PPP1R12B: variants seen among roughly 807,000 people sequenced by gnomAD.
PPP1R12B encodes the protein protein phosphatase 1 regulatory subunit 12B.
Under a neutral mutation model 126.1 loss-of-function variants are expected in PPP1R12B, and 76 were observed. That is an observed-to-expected ratio of 0.60 (90% CI 0.50 to 0.73). The LOEUF (loss-of-function observed/expected upper bound fraction) is 0.73. Ranked by LOEUF, PPP1R12B falls within the 30% of genes least tolerant of loss-of-function variation. The pLI is 0.00. For missense variants in PPP1R12B, 1,052 were observed against 1,205.1 expected (o/e 0.87, Z 1.88); for synonymous variants, 356 against 434.7 (o/e 0.82, Z 2.25).
chr1:202,579,193 A>G lies in PPP1R12B; in HGVS notation c.2863-1281A>G, dbSNP rs553781233. ...TTTGTGTACATACACATATATTTAT[A>G]TAATTTAACCTATATCTTCTCTGAG... is the stretch of plus-strand genomic sequence containing the variant. On this transcript the variant is annotated intron_variant, in intron 23 of 23. Coordinates refer to ENST00000608999, the MANE Select transcript of PPP1R12B (RefSeq NM_002481.4). Among the ~76,000 whole-genome samples the G allele has an allele frequency of 3.9e-5, 6 of 152,350 alleles. No homozygotes were observed. The South Asian group carries it at 1.0e-3, about 26-fold the overall frequency.
In PPP1R12B at chr1:202,449,204, T is replaced by C. The variant is rs1167860925; in HGVS notation, c.1850+33T>C. 4 of 1,566,122 alleles carry C rather than the reference T, an allele frequency of 2.6e-6. No individual in the cohort carries two copies. The East Asian group carries it at 7.0e-5, about 28-fold the overall frequency. On this transcript the variant is annotated intron_variant, in intron 13 of 23. Transcript: ENST00000608999. Reference sequence around the variant, plus strand: ...GAGTTACTGATTTCATTTGTGGGGCTCTGCTTTGAGGTAGACGATAAAGGA... The same window carrying C: ...GAGTTACTGATTTCATTTGTGGGGCCCTGCTTTGAGGTAGACGATAAAGGA...
intron 1 of PPP1R12B, among the ~76,000 whole-genome samples, chr1:202,404,782 TG>T (rs1666360761): frequency 6.6e-6 from 1 of 152,240 alleles, no homozygotes; most frequent in South Asian, 2.1e-4. Context: ...ATTACAGGCG[TG>T]AGCCACCGCA....
At chr1:202,511,771 ATTTTTTTTTT>A (rs772556181) in intron 18 of PPP1R12B, among the ~76,000 whole-genome samples, 5 of 107,866 alleles carry the variant, frequency 4.6e-5, no homozygotes, top group Non-Finnish European at 7.4e-5. Flanking sequence ...ATATACCACA[ATTTTTTTTTT>A]TTTTTTTTTT....
intron 18 of PPP1R12B, among the ~76,000 whole-genome samples, chr1:202,528,942 C>G (rs1683642780): frequency 6.6e-6 from 1 of 152,010 alleles, no homozygotes; most frequent in Non-Finnish European, 1.5e-5. Context: ...TCTTAAATCT[C>G]TCCCGACAGA....
chr1:202,562,647 T>G, intron 19 of PPP1R12B, 131 bp from the exon 20 acceptor site: 1 of 1,016,080 alleles, frequency 9.8e-7, no homozygotes, highest in Non-Finnish European at 1.6e-6. Context: ...AAGGAAAGAA[T>G]GTTATGAGTT....
In PPP1R12B at chr1:202,589,151, A is replaced by AACTT. The variant is rs1172658269; in HGVS notation, c.*8592_*8595dup. The AACTT allele has an allele frequency of 6.6e-6, 1 of 152,242 alleles. No homozygotes were observed. The highest frequency in any genetic ancestry group is 6.5e-5 in the Admixed American group (1 of 15,286). The allele number at this position is 152,242 out of a possible 1,614,324, so 9.4% of individuals were successfully genotyped here. A position where few individuals can be genotyped will look rare whatever the true frequency, so the allele number is the denominator to read the frequency against. On this transcript the variant is annotated 3_prime_UTR_variant, in exon 24 of 24. Coordinates refer to ENST00000608999, the MANE Select transcript of PPP1R12B (RefSeq NM_002481.4). ...GTAGTTCCAAACTACAAATGTAGTTAACTTGGGGGCTATTGAAGGTTAAAT... is the reference window on the plus strand; with the variant it reads ...GTAGTTCCAAACTACAAATGTAGTTAACTTACTTGGGGGCTATTGAAGGTTAAAT...
intron 15 of PPP1R12B, 106 bp downstream of exon 15, chr1:202,493,423 A>G (rs1679154311): frequency 1.2e-5 from 15 of 1,214,538 alleles, no homozygotes; most frequent in Non-Finnish European, 1.7e-5. Flanking sequence ...CTTGCAATGG[A>G]CAACTCACTC....
At chr1:202,361,755 T>TA (rs942243542) in intron 1 of PPP1R12B, among the ~76,000 whole-genome samples, 299 of 148,734 alleles carry the variant, frequency 2.0e-3, no homozygotes, top group African/African-American at 6.7e-3. Context: ...CAAAGAAAAC[T>TA]AAAAAAAAAA....
intron 13 of PPP1R12B, among the ~76,000 whole-genome samples, chr1:202,484,334 A>G (rs1677795675): frequency 6.6e-6 from 1 of 152,168 alleles, no homozygotes; most frequent in Non-Finnish European, 1.5e-5. Context: ...AAGTCTTATA[A>G]TAGAATGTTT....
intron 12 of PPP1R12B, among the ~76,000 whole-genome samples, chr1:202,447,439 A>G (rs1174433719): frequency 3.3e-5 from 5 of 152,184 alleles, no homozygotes; most frequent in Admixed American, 2.0e-4. Flanking sequence ...TGCAGACATT[A>G]TTTTATTTAA....
At chr1:202,454,378 G>A (rs1267334765) in intron 13 of PPP1R12B, among the ~76,000 whole-genome samples, 1 of 152,196 alleles carries the variant, frequency 6.6e-6, no homozygotes, top group Non-Finnish European at 1.5e-5. Flanking sequence ...GATGTTAGAT[G>A]TAGACTGGTT....
chr1:202,363,312 A>G (rs1489903870), intron 1 of PPP1R12B, among the ~76,000 whole-genome samples: 2 of 152,200 alleles, frequency 1.3e-5, no homozygotes, highest in East Asian at 1.9e-4. Flanking sequence ...TTAAAGATCT[A>G]TTCTGGTCTA....
rs528028127 is a variant in PPP1R12B at position 202,532,776 on chromosome 1, T to G, written c.2491-26101T>G. On this transcript the variant is annotated intron_variant, in intron 18 of 23. Transcript: ENST00000608999. ...CTGTAGTGAGATGAAAAAACTCTGTTTTTTTTTTAAACACTGTTAAACTTA... is the reference window on the plus strand; with the variant it reads ...CTGTAGTGAGATGAAAAAACTCTGTGTTTTTTTTAAACACTGTTAAACTTA... Among the ~76,000 whole-genome samples, 4 of 150,864 alleles carry G rather than the reference T, an allele frequency of 2.7e-5. No homozygotes were observed. In the East Asian group the frequency reaches 7.7e-4, roughly 29 times the overall value.
intron 18 of PPP1R12B, among the ~76,000 whole-genome samples, chr1:202,544,548 G>A (rs1685459095): frequency 6.6e-6 from 1 of 152,156 alleles, no homozygotes; most frequent in African/African-American, 2.4e-5. Context: ...AAATCTTGAA[G>A]TAAGTGGGTC....
At chr1:202,447,644 C>CA (rs1308756107) in intron 12 of PPP1R12B, among the ~76,000 whole-genome samples, 1 of 152,066 alleles carries the variant, frequency 6.6e-6, no homozygotes, top group Non-Finnish European at 1.5e-5. Context: ...CACTGCATTT[C>CA]AAAATAATAG....
rs1687962433 is a variant in PPP1R12B, at chr1:202,565,448, T to C, written c.2757+901T>C. Among the ~76,000 whole-genome samples, 1 of 152,202 alleles carries C rather than the reference T, an allele frequency of 6.6e-6. No homozygotes were observed. Among genetic ancestry groups the C allele is most frequent in the African/African-American group, 2.4e-5 (1 of 41,468 alleles). On this transcript the variant is annotated intron_variant, in intron 21 of 23. Transcript: ENST00000608999. This position sits in a 1 kb window ranked among gnomAD's most constrained non-coding sequence, Gnocchi z 4.3. The stretch of plus-strand genomic sequence containing the variant: ...TATCCAAAAGCAAAGACTAAAATGC[T>C]AGGGTTGTACAGTACCAAATACATG...
chr1:202,527,111 T>C (rs965239106), intron 18 of PPP1R12B, among the ~76,000 whole-genome samples: 6 of 150,196 alleles, frequency 4.0e-5, no homozygotes, highest in African/African-American at 1.5e-4. Context: ...GAAAACAGAA[T>C]AGCAGTAGAA....
chr1:202,360,482 G>A lies in PPP1R12B; in HGVS notation c.291+11340G>A, dbSNP rs150555223. Among the ~76,000 whole-genome samples the A allele has an allele frequency of 3.2e-3, 485 of 152,212 alleles. 4 individuals are homozygous for A. The highest frequency in any genetic ancestry group is 0.011 in the African/African-American group (464 of 41,536). On this transcript the variant is annotated intron_variant, in intron 1 of 23. Coordinates refer to ENST00000608999, the MANE Select transcript of PPP1R12B (RefSeq NM_002481.4). Reference sequence around the variant, plus strand: ...ACAGCACTTTGGGAGGCCGAGGTGGGAGGATCACCTGAGGTCAGGTGTTCG... The same window carrying A: ...ACAGCACTTTGGGAGGCCGAGGTGGAAGGATCACCTGAGGTCAGGTGTTCG...
intron 13 of PPP1R12B, among the ~76,000 whole-genome samples, chr1:202,460,073 CA>C (rs529830627): frequency 2.0e-5 from 3 of 152,200 alleles, no homozygotes; most frequent in Non-Finnish European, 4.4e-5. Flanking sequence ...AAACAATTCC[CA>C]TTGCTAATAT....
Sources: gnomAD v4.1 joint callset for allele counts (sites outside exome capture counted in the v4.1 genomes callset) on GRCh38, gnomAD v4.1.1 for gene constraint, Gnocchi (gnomAD v3.1) non-coding constraint, MANE v1.5 for transcripts, NCBI Gene and HGNC (gene_info 2026-07-23, HGNC 2026-07-21) for gene names.